EAPP: variants seen among roughly 807,000 people sequenced by gnomAD.
EAPP encodes the protein E2F associated phosphoprotein, also known as E2F-associated phosphoprotein.
In EAPP, 38 loss-of-function variants were observed where a neutral mutation model predicts 34.3. That is an observed-to-expected ratio of 1.11 (90% CI 0.85 to 1.45). The LOEUF is 1.45. Ranked by LOEUF, EAPP falls within the 40% of genes most tolerant of loss-of-function variation. EAPP has a pLI of 0.00. For synonymous variants in EAPP, 113 were observed against 117.6 expected, an observed-to-expected ratio of 0.96 and a Z score of 0.25; for missense variants, 338 against 343.7, an observed-to-expected ratio of 0.98 and a Z score of 0.13.
At chr14:34,524,148 T>C (rs550720189) in intron 5 of EAPP, among the ~76,000 whole-genome samples, 8 of 152,158 alleles carry the variant, frequency 5.3e-5, no homozygotes, top group South Asian at 4.1e-4. Flanking sequence ...TCCCAGCACT[T>C]TGGGAGGCCA....
At chr14:34,534,064 T>C (rs1005091256) in intron 2 of EAPP, among the ~76,000 whole-genome samples, 4 of 152,152 alleles carry the variant, frequency 2.6e-5, no homozygotes, top group African/African-American at 4.8e-5. Flanking sequence ...TATATTTTTA[T>C]ATGCTTTCAG....
Position 34,520,105 on chromosome 14 carries a change from T to G in EAPP, c.582-3519A>C, listed in dbSNP as rs529616954. On this transcript the variant is annotated intron_variant, in intron 5 of 5. Transcript: ENST00000250454. ...TTTCACCATGTTGGCCAGGCTGGTC[T>G]CGAACTCCTGACCACAGGTGATCCA... 1.6e-3 allele frequency among the ~76,000 whole-genome samples: 244 copies of G among 152,202 alleles called. 3 individuals are homozygous for G. Among genetic ancestry groups the G allele is most frequent in the Non-Finnish European group, 2.8e-3 (192 of 68,000 alleles).
chr14:34,536,250 A>G lies in EAPP; in HGVS notation c.100T>C (p.Leu34=), dbSNP rs1212313265. 1 of 1,611,090 alleles carries G rather than the reference A, an allele frequency of 6.2e-7. No homozygotes were observed. The highest frequency in any genetic ancestry group is 8.5e-7 in the Non-Finnish European group (1 of 1,179,238). The change falls in exon 2 of 6, where the codon TTA becomes CTA. Residue 34 remains leucine (L), a synonymous_variant. Coordinates refer to ENST00000250454, the MANE Select transcript of EAPP (RefSeq NM_018453.4). ...CGTTTTTGGTCAGGAGTTCCATGTA[A>G]AAGCACATCCACTTCATCCTCAGAG... ...SSSEDEVDVL[L]HGTPDQKRKL...
chr14:34,536,143 T>C lies in EAPP; in HGVS notation c.207A>G (p.Leu69=). 1.2e-6 allele frequency: 2 copies of C among 1,612,998 alleles called. No individual in the cohort carries two copies. Among genetic ancestry groups the C allele is most frequent in the Non-Finnish European group, 8.5e-7 (1 of 1,179,740 alleles). ...CCTCCATTGTTTTCATGGTAGAATT[T>C]AATTCAGCTTCCATCTCCTTTTCAA... ...DEFEKEMEAE[L]NSTMKTMEDK... Residue 69 remains leucine, a synonymous_variant, in exon 2 of 6, where the codon TTA becomes TTG. Coordinates refer to ENST00000250454, the MANE Select transcript of EAPP (RefSeq NM_018453.4).
rs1880363981 is a variant in EAPP, at chr14:34,533,511, T to C, written c.285A>G (p.Ala95=). 1.9e-6 allele frequency: 3 copies of C among 1,595,106 alleles called. No individual in the cohort carries two copies. Among genetic ancestry groups the C allele is most frequent in the Middle Eastern group, 1.7e-4 (1 of 5,966 alleles). Residue 95 remains alanine (A), a synonymous_variant, in exon 3 of 6, where the codon GCA becomes GCG. Coordinates refer to ENST00000250454, the MANE Select transcript of EAPP (RefSeq NM_018453.4). ...CATCGTAGTACCTTGTCGGAGCTGT[T>C]GCAACTTTTCCATTTCCTGAGGAAG... ...TGSSSGNGKV[A]TAPTRYYDDI...
chr14:34,531,944 C>T (rs1237497435), intron 3 of EAPP, among the ~76,000 whole-genome samples: 5 of 151,212 alleles, frequency 3.3e-5, no homozygotes, highest in African/African-American at 1.2e-4. Context: ...GGTGTGGTGG[C>T]GGGCGCCTGT....
At chr14:34,518,325 ATTTTTTTTTTTT>A (rs71404852) in intron 5 of EAPP, among the ~76,000 whole-genome samples, 11 of 74,082 alleles carry the variant, frequency 1.5e-4, no homozygotes, top group East Asian at 1.4e-3. Flanking sequence ...CTCCCTTTAG[ATTTTTTTTTTTT>A]TTTTTTTTTT....
In EAPP at chr14:34,533,361, A is replaced by C. The variant is rs1880357704; in HGVS notation, c.352+83T>G. 4.2e-6 allele frequency: 5 copies of C among 1,187,726 alleles called. No individual in the cohort carries two copies. In the East Asian group the frequency reaches 9.5e-5, roughly 23 times the overall value. 73.6% of individuals were successfully genotyped at this position (1,187,726 alleles called of 1,614,324 possible). A position where few individuals can be genotyped will look rare whatever the true frequency, so the allele number is the denominator to read the frequency against. On this transcript the variant is annotated intron_variant, in intron 3 of 5. Coordinates refer to ENST00000250454, the MANE Select transcript of EAPP (RefSeq NM_018453.4). The stretch of plus-strand genomic sequence containing the variant: ...TAATTTCTTAAAAGACCAAACTCAG[A>C]GGGAAATCCTAACATCTAATAATTG...
rs140210970 is a variant in EAPP at position 34,533,571 on chromosome 14, A to G, written c.257-32T>C. ...AAACCAGAAGTAAAGTTTACAGACT[A>G]AATCATACATAATTCACAAGGCAAA... On this transcript the variant is annotated intron_variant, in intron 2 of 5. Coordinates refer to ENST00000250454, the MANE Select transcript of EAPP (RefSeq NM_018453.4). The G allele has an allele frequency of 5.0e-4, 725 of 1,437,784 alleles. 4 individuals carry two copies. In the East Asian group the frequency reaches 0.012, roughly 25 times the overall value. The allele number at this position is 1,437,784 out of a possible 1,614,324, so 89.1% of individuals were successfully genotyped here. A position where few individuals can be genotyped will look rare whatever the true frequency, so the allele number is the denominator to read the frequency against.
chr14:34,519,428 G>C (rs1292333274), intron 5 of EAPP, among the ~76,000 whole-genome samples: 1 of 151,948 alleles, frequency 6.6e-6, no homozygotes, highest in African/African-American at 2.4e-5. Flanking sequence ...CCAGCTACTT[G>C]GGAGACTGAG....
At position 34,527,168 on chromosome 14, in the gene EAPP, C is replaced by CAAAA. The variant is rs35039984; in HGVS notation, c.470+2186_470+2189dup. Among the ~76,000 whole-genome samples, 96 of 106,770 alleles carry CAAAA rather than the reference C, an allele frequency of 9.0e-4. 1 individual carries two copies. Among genetic ancestry groups the CAAAA allele is most frequent in the African/African-American group, 2.5e-3 (67 of 26,518 alleles). The allele number at this position is 106,770 out of a possible 152,430, so 70.0% of individuals were successfully genotyped here. On this transcript the variant is annotated intron_variant, in intron 4 of 5. Coordinates refer to ENST00000250454, the MANE Select transcript of EAPP (RefSeq NM_018453.4). ...GGGCAACAAGAGCAAAACTCCGTCT[C>CAAAA]AAAAAAAAAAAAAAAAAAATGGCCT... is the stretch of plus-strand genomic sequence containing the variant.
chr14:34,516,940 C>CTTTT, intron 5 of EAPP, among the ~76,000 whole-genome samples: 1 of 139,834 alleles, frequency 7.2e-6, no homozygotes, highest in Admixed American at 7.4e-5. Flanking sequence ...TTGAAAGTAA[C>CTTTT]TTTTTTTTTT....
intron 4 of EAPP, among the ~76,000 whole-genome samples, chr14:34,528,581 C>T (rs1180799592): frequency 6.6e-6 from 1 of 150,794 alleles, no homozygotes. Context: ...GCCACTATGG[C>T]CCCACTAATT....
At chr14:34,524,543 G>A (rs982552211) in intron 5 of EAPP, 154 bp downstream of exon 5, 15 of 597,266 alleles carry the variant, frequency 2.5e-5, no homozygotes, top group Admixed American at 5.9e-5. Flanking sequence ...TTGAACCCAC[G>A]GGGCGGAGGT....
chr14:34,522,950 C>T (rs1395184160), intron 5 of EAPP, among the ~76,000 whole-genome samples: 1 of 152,124 alleles, frequency 6.6e-6, no homozygotes, highest in African/African-American at 2.4e-5. Flanking sequence ...TGTACACTTC[C>T]ATCTTACTTT....
chr14:34,519,127 G>A (rs1189852411), intron 5 of EAPP, among the ~76,000 whole-genome samples: 1 of 152,158 alleles, frequency 6.6e-6, no homozygotes, highest in Non-Finnish European at 1.5e-5. Context: ...TCTTGTGATA[G>A]TGAGTACTCA....
rs1879721456 is a variant in EAPP, at chr14:34,516,424, T to C, written c.744A>G (p.Thr248=). Residue 248 remains threonine, a synonymous_variant, in exon 6 of 6, where the codon ACA becomes ACG. Coordinates refer to ENST00000250454, the MANE Select transcript of EAPP (RefSeq NM_018453.4). ...NREDAAEKAE[T]DVEEIYHPVM... is the part of the protein sequence containing the mutation. Reference sequence around the variant, plus strand: ...CTGGGTGATAGATTTCTTCCACATCTGTCTCTGCCTTCTCGGCAGCATCTT... The same window carrying C: ...CTGGGTGATAGATTTCTTCCACATCCGTCTCTGCCTTCTCGGCAGCATCTT... The C allele has an allele frequency of 3.7e-6, 6 of 1,614,220 alleles. No homozygotes were observed. In the East Asian group the frequency reaches 1.3e-4, roughly 36 times the overall value.
intron 4 of EAPP, among the ~76,000 whole-genome samples, chr14:34,525,190 G>A (rs1880056363): frequency 6.6e-6 from 1 of 152,140 alleles, no homozygotes; most frequent in African/African-American, 2.4e-5. Context: ...TCCCCACACA[G>A]AATTCTAAAT....
chr14:34,536,726 C>G (rs116403489), intron 1 of EAPP, among the ~76,000 whole-genome samples: 2,932 of 151,586 alleles, frequency 0.019, 85 homozygotes, highest in African/African-American at 0.066. Context: ...TTGTTTGTTT[C>G]TTTTGAAACA....
Sources: allele counts gnomAD v4.1 joint callset (sites outside exome capture counted in the v4.1 genomes callset), GRCh38; gene constraint gnomAD v4.1.1; transcripts MANE v1.5; gene names NCBI Gene and HGNC (gene_info 2026-07-23, HGNC 2026-07-21).